The following PPFIBP1 variants were observed in gnomAD, a reference collection of about 807,000 sequenced individuals.
The protein encoded by PPFIBP1 is PPFIB scaffold protein 1.
A neutral mutation model predicts 137.8 loss-of-function variants in PPFIBP1; 112 were observed. The observed-to-expected ratio is 0.81, with a 90% confidence interval of 0.70 to 0.95. The LOEUF (loss-of-function observed/expected upper bound fraction) is 0.95, where lower values mean the gene tolerates loss of function less well. Ranked by LOEUF, PPFIBP1 falls within the 40% of genes least tolerant of loss-of-function variation. The pLI is 0.00. For missense variants in PPFIBP1, 1,083 were observed against 1,196.6 expected (o/e 0.91, Z 1.40); for synonymous variants, 378 against 417.3 (o/e 0.91, Z 1.15).
intron 1 of PPFIBP1, among the ~76,000 whole-genome samples, chr12:27,538,959 G>A (rs1306145316): frequency 6.6e-6 from 1 of 152,172 alleles, no homozygotes; most frequent in African/African-American, 2.4e-5. Flanking sequence ...GGGGGTGGGG[G>A]TGCTGCTGGC....
At chr12:27,589,868 A>G (rs138723876) in intron 2 of PPFIBP1, among the ~76,000 whole-genome samples, 13 of 152,312 alleles carry the variant, frequency 8.5e-5, no homozygotes, top group African/African-American at 3.1e-4. Flanking sequence ...GGCTCCTTGC[A>G]TATTTGTTGA....
intron 2 of PPFIBP1, among the ~76,000 whole-genome samples, chr12:27,588,861 G>A (rs1432735260): frequency 2.0e-5 from 3 of 152,170 alleles, no homozygotes; most frequent in African/African-American, 4.8e-5. Flanking sequence ...TCCTTTGAAA[G>A]GTGGAATAAA....
intron 15 of PPFIBP1, among the ~76,000 whole-genome samples, chr12:27,673,138 A>T (rs968273556): frequency 1.3e-5 from 2 of 152,206 alleles, no homozygotes; most frequent in Non-Finnish European, 2.9e-5. Flanking sequence ...TAAACTGGTC[A>T]CATATCTCTA....
At chr12:27,617,844 C>T (rs2138418603) in intron 2 of PPFIBP1, among the ~76,000 whole-genome samples, 1 of 152,150 alleles carries the variant, frequency 6.6e-6, no homozygotes, top group East Asian at 1.9e-4. Flanking sequence ...GAGCACTAGT[C>T]CTATGAGACA....
In PPFIBP1 at chr12:27,647,924, G is replaced by A. The variant is rs200914057; in HGVS notation, c.471+82G>A. On this transcript the variant is annotated intron_variant, in intron 6 of 29. Transcript: ENST00000228425. ...TGCATTTCTATGTTGTGTTTGCTCT[G>A]ATGCAGCAGTAAGTTTCTTGATTCA... 2.7e-4 allele frequency: 400 copies of A among 1,460,372 alleles called. 1 individual carries two copies. The East Asian group carries it at 8.4e-3, about 31-fold the overall frequency. The allele number at this position is 1,460,372 out of a possible 1,614,324, so 90.5% of individuals were successfully genotyped here. A position where few individuals can be genotyped will look rare whatever the true frequency, so the allele number is the denominator to read the frequency against.
chr12:27,531,342 G>A (rs1261047824), intron 1 of PPFIBP1, among the ~76,000 whole-genome samples: 2 of 152,232 alleles, frequency 1.3e-5, no homozygotes, highest in Non-Finnish European at 2.9e-5. Flanking sequence ...ACCCAGGCTG[G>A]AGTGCAGTGT....
chr12:27,593,398 A>G, intron 2 of PPFIBP1: 1 of 454,440 alleles, frequency 2.2e-6, no homozygotes, highest in Non-Finnish European at 4.4e-6. Context: ...CTCTGTGCTC[A>G]CCTCAGCCAG....
At chr12:27,654,935 A>G (rs1297226765) in intron 8 of PPFIBP1, 121 bp downstream of exon 8, 30 of 1,420,540 alleles carry the variant, frequency 2.1e-5, no homozygotes, top group Non-Finnish European at 2.8e-5. Flanking sequence ...TTAAAAGTAA[A>G]TGAAGATTTC....
Position 27,606,710 on chromosome 12 carries a change from T to C in PPFIBP1, c.-35-26652T>C, listed in dbSNP as rs188829838. ...GAAGACCCAACTGGTAAGAAAATTA[T>C]CCCACAATATTCATAGACTGAATCT... On this transcript the variant is annotated intron_variant, in intron 2 of 29. Transcript: ENST00000228425. 4.1e-4 allele frequency among the ~76,000 whole-genome samples: 63 copies of C among 152,372 alleles called. No homozygotes were observed. In the East Asian group the frequency reaches 6.0e-3, roughly 14 times the overall value.
chr12:27,619,718 G>A (rs909021755), intron 2 of PPFIBP1, among the ~76,000 whole-genome samples: 5 of 152,234 alleles, frequency 3.3e-5, no homozygotes, highest in Admixed American at 2.6e-4. Context: ...TATACACAGG[G>A]CAATAGAAAC....
chr12:27,690,254 T>C (rs1409878344), intron 27 of PPFIBP1, among the ~76,000 whole-genome samples: 2 of 152,176 alleles, frequency 1.3e-5, no homozygotes, highest in Admixed American at 1.3e-4. Flanking sequence ...ACACGGGTAC[T>C]GCTGGACTTG....
intron 24 of PPFIBP1, among the ~76,000 whole-genome samples, chr12:27,686,965 A>G (rs537790435): frequency 6.6e-6 from 1 of 152,230 alleles, no homozygotes; most frequent in South Asian, 2.1e-4. Context: ...AAGGAAACAG[A>G]GAGGGCAGTT....
rs965778907 is a variant in PPFIBP1, at chr12:27,585,349, C to G, written c.-36+7110C>G. On this transcript the variant is annotated intron_variant, in intron 2 of 29. Coordinates refer to ENST00000228425, the MANE Select transcript of PPFIBP1 (RefSeq NM_003622.4). ...TTGTATAAAACTGAGCTTTTCCACTCAGGAAACATCTACGCTGCGCTGTGT... is the reference window on the plus strand; with the variant it reads ...TTGTATAAAACTGAGCTTTTCCACTGAGGAAACATCTACGCTGCGCTGTGT... Among the ~76,000 whole-genome samples, 7 of 152,232 alleles carry G rather than the reference C, an allele frequency of 4.6e-5. No homozygotes were observed. The East Asian group carries it at 1.3e-3, about 29-fold the overall frequency.
chr12:27,582,748 T>C (rs893196434), intron 2 of PPFIBP1, among the ~76,000 whole-genome samples: 5 of 152,218 alleles, frequency 3.3e-5, no homozygotes, highest in African/African-American at 1.2e-4. Context: ...AGGCAGAAGA[T>C]AACATGTGCG....
chr12:27,582,857 T>C (rs1338798187), intron 2 of PPFIBP1, among the ~76,000 whole-genome samples: 5 of 152,242 alleles, frequency 3.3e-5, no homozygotes, highest in Non-Finnish European at 4.4e-5. Flanking sequence ...ACCAGTGGTG[T>C]AATCCTAACT....
In PPFIBP1 at chr12:27,664,543, T is replaced by C. The variant is rs1485918247; in HGVS notation, c.991+97T>C. The stretch of plus-strand genomic sequence containing the variant: ...CAATTTCTTTCCTGGATCATACCCA[T>C]TGTCCCAAATTAGGTAGCTAATTCG... On this transcript the variant is annotated intron_variant, in intron 12 of 29. Transcript: ENST00000228425. 5.1e-6 allele frequency: 4 copies of C among 782,976 alleles called. No homozygotes were observed. In the African/African-American group the frequency reaches 5.3e-5, roughly 10 times the overall value. 48.5% of individuals were successfully genotyped at this position (782,976 alleles called of 1,614,324 possible). A position where few individuals can be genotyped will look rare whatever the true frequency, so the allele number is the denominator to read the frequency against.
chr12:27,688,972 T>C (rs777433583), intron 26 of PPFIBP1, 43 bp from the exon 27 acceptor site: 4 of 1,572,810 alleles, frequency 2.5e-6, no homozygotes, highest in South Asian at 2.3e-5. Context: ...CATGTATGAT[T>C]TGTGGTGACT....
chr12:27,660,897 A>C lies in PPFIBP1; in HGVS notation c.858A>C (p.Gln286His). Reference protein sequence around the residue: ...KKLKEKNIEVQKMKKAVESLM... With the variant: ...KKLKEKNIEVHKMKKAVESLM... ...TGTTATTTTCAGACATCGAAGTACAAAAAATGAAAAAAGCTGTGGAGTCCT... is the reference window on the plus strand; with the variant it reads ...TGTTATTTTCAGACATCGAAGTACACAAAATGAAAAAAGCTGTGGAGTCCT... The change falls in exon 11 of 30, where the codon CAA becomes CAC. Residue 286 changes from glutamine (Q) to histidine (H), a missense_variant. By Grantham distance (24) the Gln-to-His change is conservative. Coordinates refer to ENST00000228425, the MANE Select transcript of PPFIBP1 (RefSeq NM_003622.4). 1.2e-6 allele frequency: 2 copies of C among 1,613,600 alleles called. No homozygotes were observed. The highest frequency in any genetic ancestry group is 1.7e-6 in the Non-Finnish European group (2 of 1,179,798).
In PPFIBP1 at chr12:27,692,661, G is replaced by C; in HGVS notation, c.2931+5G>C. The C allele has an allele frequency of 6.2e-7, 1 of 1,614,126 alleles. No homozygotes were observed. Among genetic ancestry groups the C allele is most frequent in the South Asian group, 1.1e-5 (1 of 91,082 alleles). ...GAAGGCATCAACAATCTGACGGTGA[G>C]TTTGTGAAATGAATTGAAAATGTTA... is the stretch of plus-strand genomic sequence containing the variant. On this transcript the variant is annotated splice_donor_5th_base_variant and intron_variant, in intron 29 of 29. Coordinates refer to ENST00000228425, the MANE Select transcript of PPFIBP1 (RefSeq NM_003622.4).
Sources: allele counts gnomAD v4.1 joint callset (sites outside exome capture counted in the v4.1 genomes callset), GRCh38; gene constraint gnomAD v4.1.1; transcripts MANE v1.5; gene names NCBI Gene and HGNC (gene_info 2026-07-23, HGNC 2026-07-21).